The following NAV3 variants were observed in gnomAD, a reference collection of about 807,000 sequenced individuals.
NAV3 encodes neuron navigator 3.
A neutral mutation model predicts 244.7 loss-of-function variants in NAV3; 87 were observed. That is an observed-to-expected ratio of 0.36 (90% CI 0.30 to 0.42). The LOEUF (loss-of-function observed/expected upper bound fraction) is 0.42. NAV3 is among the 20% of genes least tolerant of loss of function. The probability of loss-of-function intolerance (pLI) is 1.00; values close to 1 mark genes in which losing one functional copy is unlikely to be tolerated. For missense variants in NAV3, 2,663 were observed against 2,893.3 expected (o/e 0.92, Z 1.83); for synonymous variants, 1,126 against 1,042.2 (o/e 1.08, Z -1.55).
At chr12:77,940,210 G>C (rs554932590) in intron 1 of NAV3, 109 bp from the exon 2 acceptor site, 1 of 762,910 alleles carries the variant, frequency 1.3e-6, no homozygotes, top group South Asian at 1.7e-5. Flanking sequence ...TCTTAAACTG[G>C]AATGTGATCC....
intron 12 of NAV3, among the ~76,000 whole-genome samples, chr12:78,065,788 G>A (rs1008302550): frequency 3.3e-5 from 5 of 152,050 alleles, no homozygotes; most frequent in African/African-American, 1.2e-4. Flanking sequence ...TCAGATAGAA[G>A]TCAACAAAAG....
At chr12:77,653,352 C>A (rs184751094) in intron 2 of NAV3, among the ~76,000 whole-genome samples, 12 of 152,084 alleles carry the variant, frequency 7.9e-5, no homozygotes, top group Non-Finnish European at 1.3e-4. Context: ...TTCAGTAGAA[C>A]CCTAAAGAAA....
intron 9 of NAV3, among the ~76,000 whole-genome samples, chr12:78,045,510 G>T (rs371604029): frequency 1.1e-3 from 173 of 152,232 alleles, no homozygotes; most frequent in African/African-American, 4.1e-3. Context: ...GGCCAGGATT[G>T]TCTCAAACTC....
At chr12:77,934,868 C>A (rs1300177624) in intron 1 of NAV3, among the ~76,000 whole-genome samples, 1 of 152,094 alleles carries the variant, frequency 6.6e-6, no homozygotes, top group Admixed American at 6.6e-5. Context: ...ATTAGCTCAG[C>A]TAATATTTTT....
At chr12:77,617,205 A>G (rs78647303) in intron 2 of NAV3, among the ~76,000 whole-genome samples, 14 of 152,258 alleles carry the variant, frequency 9.2e-5, no homozygotes, top group Non-Finnish European at 1.9e-4. Flanking sequence ...GTGAATTTTG[A>G]TATTTTTAAA....
At chr12:77,671,786 G>T (rs1873986970) in intron 2 of NAV3, among the ~76,000 whole-genome samples, 2 of 151,940 alleles carry the variant, frequency 1.3e-5, no homozygotes, top group South Asian at 2.1e-4. Context: ...TAAATCTAAG[G>T]CATGAAATCA....
chr12:77,966,112 G>T (rs1892488581), intron 3 of NAV3, 117 bp from the exon 4 acceptor site: 1 of 870,826 alleles, frequency 1.1e-6, no homozygotes, highest in Non-Finnish European at 1.9e-6. Flanking sequence ...AAGACTTCTA[G>T]TATGAAATGA....
At chr12:77,668,705 A>G (rs1007029159) in intron 2 of NAV3, among the ~76,000 whole-genome samples, 18 of 152,212 alleles carry the variant, frequency 1.2e-4, no homozygotes, top group Admixed American at 3.9e-4. Context: ...GAAATCTAAA[A>G]CTTTGGAAAA....
chr12:78,133,527 G>T (rs1956250687), intron 18 of NAV3, among the ~76,000 whole-genome samples: 1 of 151,474 alleles, frequency 6.6e-6, no homozygotes, highest in South Asian at 2.1e-4. Flanking sequence ...TTCAAAAGTT[G>T]CAGTATTCAT....
upstream of NAV3, among the ~76,000 whole-genome samples, chr12:77,827,105 C>T (rs936457808): frequency 2.6e-5 from 4 of 151,682 alleles, no homozygotes; most frequent in African/African-American, 7.3e-5. Context: ...TAGTGGCAGG[C>T]GCCTGTAATC....
At chr12:77,633,687 A>G (rs2136926580) in intron 2 of NAV3, among the ~76,000 whole-genome samples, 1 of 152,296 alleles carries the variant, frequency 6.6e-6, no homozygotes, top group East Asian at 1.9e-4. Flanking sequence ...ATTGTTAGCA[A>G]TGAGTTATTT....
chr12:77,837,714 A>T (rs1874911838), intron 1 of NAV3, among the ~76,000 whole-genome samples: 1 of 152,186 alleles, frequency 6.6e-6, no homozygotes, highest in African/African-American at 2.4e-5. Context: ...AAGGAGGACT[A>T]CTGATTGACT....
chr12:77,618,568 A>G (rs914568782), intron 2 of NAV3, among the ~76,000 whole-genome samples: 1 of 152,194 alleles, frequency 6.6e-6, no homozygotes, highest in African/African-American at 2.4e-5. Context: ...AAAATGTTGT[A>G]TAACTAAATA....
At chr12:78,101,530 A>G (rs1954537084) in intron 12 of NAV3, among the ~76,000 whole-genome samples, 1 of 152,162 alleles carries the variant, frequency 6.6e-6, no homozygotes, top group Non-Finnish European at 1.5e-5. Flanking sequence ...ATTTTAGTAT[A>G]TCAGTGTTTA....
At chr12:77,995,553 A>G (rs1872214317) in intron 6 of NAV3, among the ~76,000 whole-genome samples, 1 of 152,140 alleles carries the variant, frequency 6.6e-6, no homozygotes, top group Non-Finnish European at 1.5e-5. Context: ...TTAGTATGTG[A>G]TCCTTTGTGT....
At chr12:77,882,800 A>T (rs1189849269) in intron 1 of NAV3, among the ~76,000 whole-genome samples, 1 of 152,200 alleles carries the variant, frequency 6.6e-6, no homozygotes, top group African/African-American at 2.4e-5. Context: ...AAAATAAGAC[A>T]TACACTCAAC....
At chr12:78,078,733 C>A (rs1482602688) in intron 12 of NAV3, among the ~76,000 whole-genome samples, 2 of 152,046 alleles carry the variant, frequency 1.3e-5, no homozygotes, top group Non-Finnish European at 2.9e-5. Flanking sequence ...TAGCTTCTCT[C>A]TCAATAACCT....
chr12:77,704,724 G>A (rs982732688), intron 2 of NAV3, among the ~76,000 whole-genome samples: 1 of 152,084 alleles, frequency 6.6e-6, no homozygotes. Flanking sequence ...AATTAGAGTG[G>A]TTAAAAGATA....
At chr12:77,995,365 T>C (rs1267698885) in intron 6 of NAV3, among the ~76,000 whole-genome samples, 1 of 152,182 alleles carries the variant, frequency 6.6e-6, no homozygotes, top group Non-Finnish European at 1.5e-5. Context: ...ATGACACAGG[T>C]ATAATAAAGA....
Sources: gnomAD v4.1 joint callset for allele counts (sites outside exome capture counted in the v4.1 genomes callset) on GRCh38, gnomAD v4.1.1 for gene constraint, MANE v1.5 for transcripts, NCBI Gene and HGNC (gene_info 2026-07-23, HGNC 2026-07-21) for gene names.